Variants in MDGA2 observed in about 807,000 individuals in gnomAD.
The protein encoded by MDGA2 is MAM domain-containing glycosylphosphatidylinositol anchor protein 2.
Under a neutral mutation model 117.8 loss-of-function variants are expected in MDGA2, and 40 were observed. The observed-to-expected ratio is 0.34, with a 90% CI of 0.26 to 0.44. The LOEUF is 0.44. Ranked by LOEUF, MDGA2 falls within the 20% of genes least tolerant of loss-of-function variation. The pLI is 1.00. For synonymous variants in MDGA2, 452 were observed against 439.0 expected, an observed-to-expected ratio of 1.03 and a Z score of -0.37; for missense variants, 1,123 against 1,250.6, an observed-to-expected ratio of 0.90 and a Z score of 1.54.
chr14:47,386,852 A>C (rs1891772580), intron 1 of MDGA2, among the ~76,000 whole-genome samples: 1 of 152,222 alleles, frequency 6.6e-6, no homozygotes, highest in Admixed American at 6.5e-5. Flanking sequence ...CTCTGCATTT[A>C]CAAGTTGTGT....
intron 5 of MDGA2, among the ~76,000 whole-genome samples, chr14:47,122,051 T>C (rs1881679473): frequency 6.6e-6 from 1 of 152,030 alleles, no homozygotes. Flanking sequence ...CTGCATCTAC[T>C]CCTTTGTAGC....
In MDGA2 at chr14:47,256,854, CAG is replaced by C. The variant is rs1594756656; in HGVS notation, c.421-38661_421-38660del. Among the ~76,000 whole-genome samples, 3 of 131,228 alleles carry C rather than the reference CAG, an allele frequency of 2.3e-5. No homozygotes were observed. The East Asian group carries it at 6.5e-4, about 28-fold the overall frequency. The allele number at this position is 131,228 out of a possible 152,430, so 86.1% of individuals were successfully genotyped here. On this transcript the variant is annotated intron_variant, in intron 2 of 16. Transcript: ENST00000399232. ...GAAGGAAGGAAGGAAGACAGGAAGA[CAG>C]AGAGGGAGAGAGAAAGGAAGAAAGA...
chr14:46,870,826 A>G lies in MDGA2; in HGVS notation c.2752+2607T>C, dbSNP rs1225956866. 3 of 152,052 alleles carry G rather than the reference A, an allele frequency of 2.0e-5. No individual in the cohort carries two copies. The East Asian group carries it at 5.8e-4, about 29-fold the overall frequency. 9.4% of individuals were successfully genotyped at this position (152,052 alleles called of 1,614,324 possible). On this transcript the variant is annotated intron_variant, in intron 14 of 16. Coordinates refer to ENST00000399232, the MANE Select transcript of MDGA2 (RefSeq NM_001113498.3). Reference sequence around the variant, plus strand: ...ACTATTAAGTTAAAAGTATATTATAATGATGTATTAAAAGTATTTTTAAAG... The same window carrying G: ...ACTATTAAGTTAAAAGTATATTATAGTGATGTATTAAAAGTATTTTTAAAG...
At chr14:47,189,309 A>G (rs1255490235) in intron 3 of MDGA2, among the ~76,000 whole-genome samples, 1 of 152,120 alleles carries the variant, frequency 6.6e-6, no homozygotes, top group Non-Finnish European at 1.5e-5. Context: ...GCAATCCCAC[A>G]TGATACAGGG....
At chr14:47,167,641 T>C (rs1010471526) in intron 3 of MDGA2, among the ~76,000 whole-genome samples, 12 of 152,172 alleles carry the variant, frequency 7.9e-5, no homozygotes, top group Middle Eastern at 3.4e-3. Flanking sequence ...CTCAGGCATA[T>C]TAGATTACAA....
intron 9 of MDGA2, among the ~76,000 whole-genome samples, chr14:46,948,399 A>G (rs1009792849): frequency 3.3e-5 from 5 of 151,974 alleles, no homozygotes; most frequent in African/African-American, 1.2e-4. Context: ...GGAGTGCTTC[A>G]GGACGGAGAG....
intron 8 of MDGA2, among the ~76,000 whole-genome samples, chr14:47,033,555 A>G (rs1038115450): frequency 3.3e-5 from 5 of 152,106 alleles, no homozygotes; most frequent in South Asian, 2.1e-4. Flanking sequence ...TTTTTTTCTG[A>G]AACCTGTTTT....
chr14:47,431,157 G>A lies in MDGA2; in HGVS notation c.281-129607C>T, dbSNP rs533351679. Among the ~76,000 whole-genome samples, 80 of 151,918 alleles carry A rather than the reference G, an allele frequency of 5.3e-4. 1 individual carries two copies. The highest frequency in any genetic ancestry group is 1.8e-3 in the African/African-American group (74 of 41,466). On this transcript the variant is annotated intron_variant, in intron 1 of 16. Transcript: ENST00000399232. ...CATATGAATATATGAGAATATATAAGTATATATTCATATTCCTGTATGAAT... is the reference window on the plus strand; with the variant it reads ...CATATGAATATATGAGAATATATAAATATATATTCATATTCCTGTATGAAT...
chr14:46,943,937 T>C (rs551394972), intron 9 of MDGA2, among the ~76,000 whole-genome samples: 1 of 152,202 alleles, frequency 6.6e-6, no homozygotes, highest in Non-Finnish European at 1.5e-5. Flanking sequence ...AAACTTCATT[T>C]ACAAAAAACA....
intron 3 of MDGA2, among the ~76,000 whole-genome samples, chr14:47,210,491 A>C (rs1392273163): frequency 2.0e-5 from 3 of 152,118 alleles, no homozygotes; most frequent in Non-Finnish European, 4.4e-5. Context: ...AGATGAACAC[A>C]CTCTTAGAAA....
intron 5 of MDGA2, among the ~76,000 whole-genome samples, chr14:47,106,155 A>G (rs1395991278): frequency 4.0e-5 from 6 of 151,828 alleles, no homozygotes; most frequent in South Asian, 2.1e-4. Flanking sequence ...ACCCTGAGAC[A>G]CTTTACAGCC....
At chr14:47,280,964 T>C (rs1190025451) in intron 2 of MDGA2, among the ~76,000 whole-genome samples, 1 of 147,832 alleles carries the variant, frequency 6.8e-6, no homozygotes, top group East Asian at 1.9e-4. Flanking sequence ...ATATAAGGTA[T>C]ATATGATATA....
intron 1 of MDGA2, among the ~76,000 whole-genome samples, chr14:47,604,277 C>T (rs181393980): frequency 1.9e-4 from 29 of 151,944 alleles, no homozygotes; most frequent in Non-Finnish European, 3.2e-4. Flanking sequence ...TCTCTCCCCT[C>T]CACCACTCTC....
chr14:47,013,790 A>ATCTATC (rs1555343313), intron 8 of MDGA2, among the ~76,000 whole-genome samples: 1 of 133,080 alleles, frequency 7.5e-6, no homozygotes, highest in African/African-American at 2.6e-5. Flanking sequence ...ATATATATAT[A>ATCTATC]TATCTCCTTT....
chr14:47,039,933 A>G (rs1889002233), intron 7 of MDGA2, among the ~76,000 whole-genome samples: 1 of 151,964 alleles, frequency 6.6e-6, no homozygotes. Context: ...ACACACAAGT[A>G]ACTATGCAAG....
chr14:47,523,078 T>C (rs934117331), intron 1 of MDGA2, among the ~76,000 whole-genome samples: 1 of 152,202 alleles, frequency 6.6e-6, no homozygotes, highest in African/African-American at 2.4e-5. Context: ...TGTGTACATT[T>C]ATATAGTTAT....
intron 1 of MDGA2, among the ~76,000 whole-genome samples, chr14:47,396,100 T>G (rs1211852421): frequency 6.6e-6 from 1 of 152,162 alleles, no homozygotes; most frequent in East Asian, 1.9e-4. Flanking sequence ...CACAAATCAA[T>G]TTTCAATAAC....
chr14:47,668,759 C>T (rs1345807881), intron 1 of MDGA2, among the ~76,000 whole-genome samples: 1 of 152,108 alleles, frequency 6.6e-6, no homozygotes. Flanking sequence ...TCCAAAATAG[C>T]CAAAAGGGAG....
chr14:46,969,933 C>CATATAT (rs1157465830), intron 8 of MDGA2, among the ~76,000 whole-genome samples: 189 of 14,918 alleles, frequency 0.013, 2 homozygotes, highest in Non-Finnish European at 0.013. Flanking sequence ...TAAAGTATTC[C>CATATAT]ATATATATAT....
Sources: allele counts gnomAD v4.1 joint callset (sites outside exome capture counted in the v4.1 genomes callset), GRCh38; gene constraint gnomAD v4.1.1; transcripts MANE v1.5; gene names NCBI Gene and HGNC (gene_info 2026-07-23, HGNC 2026-07-21).